Variants in DCTPP1 observed in about 807,000 individuals in gnomAD.
The protein encoded by DCTPP1 is XTP3-transactivated gene A protein.
A neutral mutation model predicts 8.8 loss-of-function variants in DCTPP1; 8 were observed. The ratio of observed to expected loss-of-function variants is 0.91; its 90% CI spans 0.54 to 1.64. The LOEUF is 1.64. Ranked by LOEUF, DCTPP1 falls within the 40% of genes most tolerant of loss-of-function variation. The pLI, the probability that DCTPP1 is intolerant of heterozygous loss-of-function variation, is 0.00. For synonymous variants in DCTPP1, 85 were observed against 92.1 expected (o/e 0.92, Z 0.44); for missense variants, 231 against 230.4 (o/e 1.00, Z -0.02).
intron 1 of DCTPP1, 111 bp downstream of exon 1, chr16:30,429,769 A>T: frequency 1.9e-6 from 2 of 1,079,464 alleles, no homozygotes; most frequent in Non-Finnish European, 2.6e-6. Flanking sequence ...CCACAGAGCC[A>T]GGACCCGAGC....
rs769498113 is a variant in DCTPP1 at position 30,430,006 on chromosome 16, C to G, written c.-26G>C. ...GCCGCCCACCGCTGCACCGCGACTTCACGGAAAACCCACGAGCCACGCTCG... is the reference window on the plus strand; with the variant it reads ...GCCGCCCACCGCTGCACCGCGACTTGACGGAAAACCCACGAGCCACGCTCG... On this transcript the variant is annotated 5_prime_UTR_variant, in exon 1 of 3. Coordinates refer to ENST00000319285, the MANE Select transcript of DCTPP1 (RefSeq NM_024096.2). 1 of 1,454,196 alleles carries G rather than the reference C, an allele frequency of 6.9e-7. No homozygotes were observed. Among genetic ancestry groups the G allele is most frequent in the Non-Finnish European group, 9.1e-7 (1 of 1,101,600 alleles). The allele number at this position is 1,454,196 out of a possible 1,614,324, so 90.1% of individuals were successfully genotyped here.
chr16:30,427,005 T>C (rs1375934847), intron 2 of DCTPP1, among the ~76,000 whole-genome samples: 2 of 149,656 alleles, frequency 1.3e-5, no homozygotes, highest in African/African-American at 4.9e-5. Context: ...CTGGACCTTT[T>C]TCGTTGGGTT....
Position 30,428,945 on chromosome 16 carries a change from G to A in DCTPP1, c.212+112C>T, listed in dbSNP as rs956071038. 2.6e-6 allele frequency: 3 copies of A among 1,158,334 alleles called. No individual in the cohort carries two copies. The African/African-American group carries it at 4.7e-5, about 18-fold the overall frequency. The allele number at this position is 1,158,334 out of a possible 1,614,324, so 71.8% of individuals were successfully genotyped here. A position where few individuals can be genotyped will look rare whatever the true frequency, so the allele number is the denominator to read the frequency against. ...CTCTGCATCCCAACAACAGCAAAGA[G>A]CCTAGCAATCAGGAGGGGAAACTGA... On this transcript the variant is annotated intron_variant, in intron 2 of 2. Transcript: ENST00000319285.
chr16:30,429,783 G>T, intron 1 of DCTPP1, 97 bp downstream of exon 1: 2 of 1,251,718 alleles, frequency 1.6e-6, no homozygotes, highest in Non-Finnish European at 2.2e-6. Context: ...CCCGAGCCCC[G>T]CTGCCAGCCC....
intron 1 of DCTPP1, chr16:30,429,464 T>C (rs1051970898): frequency 1.7e-5 from 7 of 415,106 alleles, no homozygotes; most frequent in Non-Finnish European, 2.6e-5. Flanking sequence ...TCGCCGCACA[T>C]CAAAATGCAA....
At chr16:30,427,461 C>T (rs867465447) in intron 2 of DCTPP1, among the ~76,000 whole-genome samples, 4 of 151,806 alleles carry the variant, frequency 2.6e-5, no homozygotes, top group African/African-American at 4.8e-5. Flanking sequence ...TACAGGCGCC[C>T]GCCACCATGC....
At position 30,429,098 on chromosome 16, in the gene DCTPP1, G is replaced by A. The variant is rs2050210118; in HGVS notation, c.171C>T (p.Leu57=). Residue 57 remains leucine (L), a synonymous_variant, in exon 2 of 3, where the codon CTC becomes CTT. Transcript: ENST00000319285. The stretch of plus-strand genomic sequence containing the variant: ...CCCCCACTTCCCCAACCAAGGCCAG[G>A]AGGAGATTCCGAGGCTGATGGAACT... The part of the protein sequence containing the change: ...WEQFHQPRNL[L]LALVGEVGEL... 6.2e-7 allele frequency: 1 copy of A among 1,613,906 alleles called. No homozygotes were observed. Among genetic ancestry groups the A allele is most frequent in the Non-Finnish European group, 8.5e-7 (1 of 1,179,924 alleles).
Position 30,429,324 on chromosome 16 carries a change from CGGAACTTG to C in DCTPP1, c.102-165_102-158del, listed in dbSNP as rs2050211527. 1.3e-5 allele frequency: 9 copies of C among 672,864 alleles called. No homozygotes were observed. The South Asian group carries it at 2.3e-4, about 17-fold the overall frequency. The allele number at this position is 672,864 out of a possible 1,614,324, so 41.7% of individuals were successfully genotyped here. ...TATTGTGCAGGTCATTTCCTCTTTC[CGGAACTTG>C]GTTCCCTCATCTATAAAATGGGCGT... On this transcript the variant is annotated intron_variant, in intron 1 of 2. Transcript: ENST00000319285.
intron 1 of DCTPP1, 88 bp downstream of exon 1, chr16:30,429,792 C>T (rs1480345011): frequency 1.5e-6 from 2 of 1,348,238 alleles, no homozygotes; most frequent in Non-Finnish European, 2.0e-6. Flanking sequence ...CGCTGCCAGC[C>T]CGCTTCCCGA....
rs2050209831 is a variant in DCTPP1 at position 30,429,076 on chromosome 16, C to T, written c.193G>A (p.Gly65Arg). 6 of 1,613,692 alleles carry T rather than the reference C, an allele frequency of 3.7e-6. No homozygotes were observed. Among genetic ancestry groups the T allele is most frequent in the Admixed American group, 1.7e-5 (1 of 59,942 alleles). Residue 65 changes from glycine to arginine, a missense_variant, in exon 2 of 3, where the codon GGG becomes AGG. Transcript: ENST00000319285. ...ACTCACAAGAGTTCTGCCAGCTCCCCCACTTCCCCAACCAAGGCCAGGAGG... is the reference window on the plus strand; with the variant it reads ...ACTCACAAGAGTTCTGCCAGCTCCCTCACTTCCCCAACCAAGGCCAGGAGG... ...NLLLALVGEV[G>R]ELAELFQWKT... is the part of the protein sequence containing the mutation.
intron 1 of DCTPP1, 105 bp downstream of exon 1, chr16:30,429,775 C>G (rs2050214278): frequency 3.5e-6 from 4 of 1,157,208 alleles, no homozygotes; most frequent in East Asian, 2.9e-5. Context: ...AGCCAGGACC[C>G]GAGCCCCGCT....
rs2050177300 is a variant in DCTPP1, at chr16:30,423,869, C to T, written c.*364G>A. 4.6e-6 allele frequency: 1 copy of T among 215,422 alleles called. No individual in the cohort carries two copies. Among genetic ancestry groups the T allele is most frequent in the Non-Finnish European group, 9.3e-6 (1 of 107,814 alleles). 13.3% of individuals were successfully genotyped at this position (215,422 alleles called of 1,614,324 possible). ...TTCAATCTCTAAGAGGGGGAAGGAA[C>T]TTACATGACATCCTACTGGGAATTT... On this transcript the variant is annotated 3_prime_UTR_variant, in exon 3 of 3. Coordinates refer to ENST00000319285, the MANE Select transcript of DCTPP1 (RefSeq NM_024096.2).
chr16:30,424,617 C>T, intron 2 of DCTPP1, 84 bp from the exon 3 acceptor site: 1 of 1,517,784 alleles, frequency 6.6e-7, no homozygotes, highest in Non-Finnish European at 8.8e-7. Context: ...ATAACACCCA[C>T]CTCCAAGGAC....
At chr16:30,429,542 A>G (rs2151129735) in intron 1 of DCTPP1, 1 of 405,406 alleles carries the variant, frequency 2.5e-6, no homozygotes, top group Non-Finnish European at 4.4e-6. Flanking sequence ...CCTCCAGCAA[A>G]AAATAACGTC....
chr16:30,429,558 C>T (rs2050212893), intron 1 of DCTPP1: 1 of 428,852 alleles, frequency 2.3e-6, no homozygotes, highest in African/African-American at 2.1e-5. Context: ...ACGTCTCCCA[C>T]CTCTCAGCAC....
At position 30,425,749 on chromosome 16, in the gene DCTPP1, G is replaced by A. The variant is rs568922112; in HGVS notation, c.213-1216C>T. The stretch of plus-strand genomic sequence containing the variant: ...GAAGAATCGCTTGAACCCGGGAGGC[G>A]GAGGTTGCAGTGACCCGCCATGACG... On this transcript the variant is annotated intron_variant, in intron 2 of 2. Coordinates refer to ENST00000319285, the MANE Select transcript of DCTPP1 (RefSeq NM_024096.2). Among the ~76,000 whole-genome samples, 15 of 152,106 alleles carry A rather than the reference G, an allele frequency of 9.9e-5. No homozygotes were observed. The South Asian group carries it at 2.9e-3, about 29-fold the overall frequency.
intron 2 of DCTPP1, among the ~76,000 whole-genome samples, chr16:30,425,215 G>A (rs1230035232): frequency 1.3e-5 from 2 of 152,152 alleles, no homozygotes; most frequent in East Asian, 3.9e-4. Flanking sequence ...CAGGCTTGGC[G>A]CAGTGGCTCA....
chr16:30,424,460 G>C lies in DCTPP1; in HGVS notation c.286C>G (p.Leu96Val). The change falls in exon 3 of 3, where the codon CTT (leucine) becomes GTT (valine). Residue 96 changes from leucine to valine, a missense_variant. Leu to Val is a conservative substitution (Grantham distance 32, BLOSUM62 1). Coordinates refer to ENST00000319285, the MANE Select transcript of DCTPP1 (RefSeq NM_024096.2). Reference protein sequence around the residue: ...PRERAALQEELSDVLIYLVAL... With the variant: ...PRERAALQEEVSDVLIYLVAL... ...ACCAGGTAGATGAGGACGTCACTAA[G>C]CTCCTCTTGAAGGGCTGCCCGTTCC... 6.2e-7 allele frequency: 1 copy of C among 1,614,230 alleles called. No homozygotes were observed.
Position 30,429,887 on chromosome 16 carries a change from C to A in DCTPP1, c.94G>T (p.Glu32Ter), listed in dbSNP as rs753342612. ...RFSFSPEPTL[E>*]DIRRLHAEFA... ...TGGGCCAGGCCTGCTTACATGTCCT[C>A]GAGCGTGGGCTCCGGGCTGAAGCTG... is the stretch of plus-strand genomic sequence containing the variant. The change falls in exon 1 of 3, where the codon GAG becomes TAG. Residue 32 changes from glutamate (E) to a stop codon, truncating the protein, a stop_gained. Coordinates refer to ENST00000319285, the MANE Select transcript of DCTPP1 (RefSeq NM_024096.2). LOFTEE classifies it high-confidence loss of function. The A allele has an allele frequency of 6.3e-7, 1 of 1,596,920 alleles. No homozygotes were observed. The highest frequency in any genetic ancestry group is 8.5e-7 in the Non-Finnish European group (1 of 1,172,462).
Sources: allele counts gnomAD v4.1 joint callset (sites outside exome capture counted in the v4.1 genomes callset), GRCh38; gene constraint gnomAD v4.1.1; transcripts MANE v1.5; gene names NCBI Gene and HGNC (gene_info 2026-07-23, HGNC 2026-07-21).